HECW1: variants seen among roughly 807,000 people sequenced by gnomAD.
The protein encoded by HECW1 is HECT, C2 and WW domain containing E3 ubiquitin protein ligase 1, also known as E3 ubiquitin-protein ligase HECW1.
In HECW1, 61 loss-of-function variants were observed where a neutral mutation model predicts 182.3. The observed-to-expected ratio is 0.33, with a 90% CI of 0.27 to 0.41. The LOEUF (loss-of-function observed/expected upper bound fraction) is 0.41. Among genes scored for constraint, HECW1 ranks in the 10% least tolerant of loss-of-function variants. The probability of loss-of-function intolerance (pLI) is 1.00; values close to 1 mark genes in which losing one functional copy is unlikely to be tolerated. For synonymous variants in HECW1, 859 were observed against 832.6 expected (o/e 1.03, Z -0.55); for missense variants, 1,739 against 2,108.9 (o/e 0.82, Z 3.44).
At chr7:43,485,799 G>A (rs769234936) in intron 17 of HECW1, among the ~76,000 whole-genome samples, 16 of 152,238 alleles carry the variant, frequency 1.1e-4, no homozygotes, top group Non-Finnish European at 1.5e-4. Context: ...TGACTGTGAG[G>A]CCTAGGACAT....
At chr7:43,202,925 C>T (rs1284748573) in intron 2 of HECW1, among the ~76,000 whole-genome samples, 1 of 152,136 alleles carries the variant, frequency 6.6e-6, no homozygotes, top group Non-Finnish European at 1.5e-5. Context: ...AGAGGACAAC[C>T]CCCTTTGACT....
chr7:43,514,779 AC>A (rs982358545), intron 24 of HECW1, among the ~76,000 whole-genome samples: 1 of 152,226 alleles, frequency 6.6e-6, no homozygotes, highest in Non-Finnish European at 1.5e-5. Context: ...TATACCAGGC[AC>A]TGTCTAACAA....
chr7:43,307,292 T>C (rs1214700077), intron 3 of HECW1, among the ~76,000 whole-genome samples: 3 of 152,220 alleles, frequency 2.0e-5, no homozygotes, highest in African/African-American at 7.2e-5. Context: ...GATATTCTTG[T>C]GGTCCTCCTA....
intron 3 of HECW1, among the ~76,000 whole-genome samples, chr7:43,285,047 A>G (rs928156309): frequency 4.0e-5 from 6 of 149,204 alleles, no homozygotes; most frequent in Non-Finnish European, 8.9e-5. Flanking sequence ...TATTAAGTGT[A>G]GTTATATTAA....
intron 8 of HECW1, among the ~76,000 whole-genome samples, chr7:43,424,875 G>C (rs547349040): frequency 4.6e-5 from 7 of 152,188 alleles, no homozygotes; most frequent in African/African-American, 1.7e-4. Context: ...CCCAGAATGG[G>C]AGCAGAGAAG....
chr7:43,262,592 A>G (rs759017437), intron 3 of HECW1, among the ~76,000 whole-genome samples: 3 of 152,218 alleles, frequency 2.0e-5, no homozygotes, highest in Non-Finnish European at 4.4e-5. Flanking sequence ...CAGTTACCTC[A>G]CAAAAACTAA....
intron 3 of HECW1, among the ~76,000 whole-genome samples, chr7:43,308,310 T>TTATATATTATATGATATATTTA (rs1562813944): frequency 9.0e-5 from 11 of 122,014 alleles, no homozygotes; most frequent in South Asian, 4.8e-4. Flanking sequence ...TATGATATAT[T>TTATATATTATATGATATATTTA]TATATATTAT....
chr7:43,392,697 A>AT (rs1453656034), intron 6 of HECW1, among the ~76,000 whole-genome samples: 1 of 152,172 alleles, frequency 6.6e-6, no homozygotes, highest in South Asian at 2.1e-4. Flanking sequence ...TGACTGTGTG[A>AT]TTAGATGCTG....
chr7:43,318,715 T>C (rs896152249), intron 4 of HECW1, among the ~76,000 whole-genome samples: 3 of 152,240 alleles, frequency 2.0e-5, no homozygotes, highest in Non-Finnish European at 4.4e-5. Flanking sequence ...TTGTCTGTTT[T>C]CTCAGTCCAG....
chr7:43,539,409 A>T (rs1361712428), intron 24 of HECW1, among the ~76,000 whole-genome samples: 1 of 152,184 alleles, frequency 6.6e-6, no homozygotes, highest in Non-Finnish European at 1.5e-5. Context: ...AATTTTGGAG[A>T]TAGTCCTTTC....
At position 43,561,298 on chromosome 7, in the gene HECW1, G is replaced by C. The variant is rs543836606; in HGVS notation, c.4710-517G>C. On this transcript the variant is annotated intron_variant, in intron 29 of 29. Coordinates refer to ENST00000395891, the MANE Select transcript of HECW1 (RefSeq NM_015052.5). Reference sequence around the variant, plus strand: ...AGCACTTCGACTTTAGGTTCTGTGGGTTCTACTGGGGTAGAGGAGTCAGAC... The same window carrying C: ...AGCACTTCGACTTTAGGTTCTGTGGCTTCTACTGGGGTAGAGGAGTCAGAC... Among the ~76,000 whole-genome samples the C allele has an allele frequency of 3.7e-4, 56 of 152,320 alleles. No homozygotes were observed. The South Asian group carries it at 0.012, about 32-fold the overall frequency.
At chr7:43,211,161 G>A (rs1428456079) in intron 2 of HECW1, among the ~76,000 whole-genome samples, 1 of 152,180 alleles carries the variant, frequency 6.6e-6, no homozygotes, top group Admixed American at 6.5e-5. Context: ...GTGTTTAGAG[G>A]TGGATGCGGT....
intron 5 of HECW1, among the ~76,000 whole-genome samples, chr7:43,349,844 A>T (rs1326630754): frequency 6.6e-6 from 1 of 152,238 alleles, no homozygotes; most frequent in Non-Finnish European, 1.5e-5. Context: ...GGCCATTTAC[A>T]TTCAATGTAA....
chr7:43,527,417 C>T (rs903583171), intron 24 of HECW1, among the ~76,000 whole-genome samples: 3 of 152,106 alleles, frequency 2.0e-5, no homozygotes, highest in South Asian at 2.1e-4. Context: ...GGGATTTCAA[C>T]GGCTCCTTGG....
At chr7:43,156,630 T>C (rs1001044419) in intron 2 of HECW1, among the ~76,000 whole-genome samples, 1 of 150,484 alleles carries the variant, frequency 6.6e-6, no homozygotes, top group African/African-American at 2.5e-5. Context: ...TGCTAATTAA[T>C]AATTTCATGA....
At chr7:43,388,590 A>T (rs936488847) in intron 6 of HECW1, among the ~76,000 whole-genome samples, 1 of 152,142 alleles carries the variant, frequency 6.6e-6, no homozygotes, top group Non-Finnish European at 1.5e-5. Flanking sequence ...TGAGGAGGAT[A>T]CTGTTTCTCA....
At chr7:43,397,775 G>A (rs1400100788) in intron 7 of HECW1, among the ~76,000 whole-genome samples, 7 of 152,216 alleles carry the variant, frequency 4.6e-5, no homozygotes, top group African/African-American at 1.7e-4. Context: ...GTCATCTTTT[G>A]TGGTTCTTCA....
Position 43,311,962 on chromosome 7 carries a change from A to T in HECW1, c.227A>T (p.Asp76Val). 1.2e-6 allele frequency: 2 copies of T among 1,614,202 alleles called. No homozygotes were observed. Among genetic ancestry groups the T allele is most frequent in the Non-Finnish European group, 8.5e-7 (1 of 1,180,036 alleles). ...AGCGACACTGACCTGGTCACCTCGG[A>T]CAGCCGCTCCACGCTCATGGTCAGC... ...STSDTDLVTSDSRSTLMVSSS... is the reference protein window; with the variant it reads ...STSDTDLVTSVSRSTLMVSSS... Residue 76 changes from aspartate (D) to valine (V), a missense_variant, in exon 4 of 30, where the codon GAC becomes GTC. Transcript: ENST00000395891.
At position 43,445,425 on chromosome 7, in the gene HECW1, C is replaced by G; in HGVS notation, c.2253C>G (p.Asp751Glu). ...EENSAFESVP[D>E]SMQSPELDPE... ...ACAGCGCGTTCGAGTCGGTACCCGA[C>G]TCCATGCAGAGCCCTGAGCTGGACC... The change falls in exon 11 of 30, where the codon GAC becomes GAG. Residue 751 changes from aspartate to glutamate, a missense_variant. Physicochemically the swap from Asp to Glu is conservative, Grantham distance 45 (BLOSUM62 2). Transcript: ENST00000395891. 6.2e-7 allele frequency: 1 copy of G among 1,613,430 alleles called. No individual in the cohort carries two copies. The highest frequency in any genetic ancestry group is 8.5e-7 in the Non-Finnish European group (1 of 1,180,008).
Sources: allele counts gnomAD v4.1 joint callset (sites outside exome capture counted in the v4.1 genomes callset), GRCh38; gene constraint gnomAD v4.1.1; transcripts MANE v1.5; gene names NCBI Gene and HGNC (gene_info 2026-07-23, HGNC 2026-07-21).